SNX25: variants seen among roughly 807,000 people sequenced by gnomAD.
SNX25 encodes sorting nexin-25.
In SNX25, 62 loss-of-function variants were observed where a neutral mutation model predicts 113.7. That is an observed-to-expected ratio of 0.55 (90% confidence interval 0.44 to 0.67). SNX25 has a LOEUF of 0.67. Among genes scored for constraint, SNX25 ranks in the 30% least tolerant of loss-of-function variants. The pLI, the probability that SNX25 is intolerant of heterozygous loss-of-function variation, is 0.00. For missense variants in SNX25, 1,014 were observed against 1,161.0 expected (o/e 0.87, Z 1.84); for synonymous variants, 421 against 436.2 (o/e 0.97, Z 0.43).
chr4:185,308,704 T>C lies in SNX25; in HGVS notation c.1163-1931T>C, dbSNP rs555911561. Among the ~76,000 whole-genome samples the C allele has an allele frequency of 2.2e-4, 34 of 152,320 alleles. 1 individual carries two copies. The highest frequency in any genetic ancestry group is 2.0e-3 in the Admixed American group (30 of 15,292). ...GTATACATAGATAAACACCTACTTT[T>C]ATGAGGATATATTTACGATCTCCCT... On this transcript the variant is annotated intron_variant, in intron 6 of 18. Coordinates refer to ENST00000652585, the MANE Select transcript of SNX25 (RefSeq NM_001378034.2).
At chr4:185,279,015 A>G (rs998946745) in intron 5 of SNX25, among the ~76,000 whole-genome samples, 1 of 152,124 alleles carries the variant, frequency 6.6e-6, no homozygotes, top group Non-Finnish European at 1.5e-5. Context: ...GAACTAGGAA[A>G]TGAATATATG....
chr4:185,332,494 C>T, intron 9 of SNX25, 101 bp from the exon 10 acceptor site: 1 of 1,128,796 alleles, frequency 8.9e-7, no homozygotes. Context: ...GTATTCTTTC[C>T]TTACTGGAAT....
chr4:185,336,259 G>A (rs2095229211), intron 10 of SNX25, among the ~76,000 whole-genome samples: 1 of 152,078 alleles, frequency 6.6e-6, no homozygotes, highest in Non-Finnish European at 1.5e-5. Flanking sequence ...CTGAGATTTT[G>A]GTATACCTAT....
intron 10 of SNX25, among the ~76,000 whole-genome samples, chr4:185,338,791 C>T (rs2095245488): frequency 6.6e-6 from 1 of 152,084 alleles, no homozygotes; most frequent in Admixed American, 6.5e-5. Flanking sequence ...ATCACTTTAC[C>T]ATATATTATT....
intron 3 of SNX25, among the ~76,000 whole-genome samples, chr4:185,264,217 C>T (rs1391560495): frequency 1.3e-5 from 2 of 152,150 alleles, no homozygotes; most frequent in African/African-American, 4.8e-5. Flanking sequence ...TACTGAAGTT[C>T]GTTGTTATGA....
intron 8 of SNX25, 76 bp downstream of exon 8, chr4:185,320,940 TTCTC>T: frequency 7.5e-7 from 1 of 1,339,624 alleles, no homozygotes; most frequent in Non-Finnish European, 1.0e-6. Context: ...ATGTCTGTTT[TTCTC>T]AAGATAAGTA....
intron 17 of SNX25, 154 bp downstream of exon 17, chr4:185,362,259 G>T: frequency 1.0e-6 from 1 of 985,264 alleles, no homozygotes; most frequent in African/African-American, 1.7e-5. Flanking sequence ...CACTTGCTAA[G>T]AAGTTATACT....
upstream of SNX25, among the ~76,000 whole-genome samples, chr4:185,207,408 G>T (rs1737235270): frequency 6.6e-6 from 1 of 151,746 alleles, no homozygotes; most frequent in Non-Finnish European, 1.5e-5. Flanking sequence ...AGTAGAGACG[G>T]GGTTTTGCCA....
downstream of SNX25, among the ~76,000 whole-genome samples, chr4:185,368,604 C>T (rs2095401202): frequency 6.6e-6 from 1 of 152,182 alleles, no homozygotes; most frequent in African/African-American, 2.4e-5. Context: ...TCATTCCAGA[C>T]CCTTCACTGG....
At chr4:185,370,931 A>G, downstream of SNX25, 1 of 1,134,304 alleles carries the variant, frequency 8.8e-7, no homozygotes, top group Non-Finnish European at 1.3e-6. Flanking sequence ...CTGCTTTGAG[A>G]ACTAAGTTGT....
chr4:185,317,999 A>G (rs376587951), intron 7 of SNX25, among the ~76,000 whole-genome samples: 118 of 152,316 alleles, frequency 7.7e-4, no homozygotes, highest in African/African-American at 2.6e-3. Flanking sequence ...TGGAAGCATT[A>G]TGAAAAGTAA....
intron 7 of SNX25, among the ~76,000 whole-genome samples, chr4:185,315,617 T>C (rs999558271): frequency 1.3e-5 from 2 of 152,068 alleles, no homozygotes; most frequent in Non-Finnish European, 2.9e-5. Context: ...CTATAAAACA[T>C]GTAAGGAAGA....
At chr4:185,357,609 A>T (rs1333638784) in intron 15 of SNX25, 62 bp from the exon 16 acceptor site, 5 of 1,310,060 alleles carry the variant, frequency 3.8e-6, no homozygotes, top group Non-Finnish European at 5.5e-6. Flanking sequence ...TTGTACAGCT[A>T]TGAAAATGTC....
At chr4:185,362,509 G>A in intron 17 of SNX25, 102 bp from the exon 18 acceptor site, 1 of 1,239,830 alleles carries the variant, frequency 8.1e-7, no homozygotes, top group South Asian at 1.6e-5. Context: ...GCCTCCATGT[G>A]TTTATTGACT....
Position 185,209,632 on chromosome 4 carries a change from G to C in SNX25, c.-195G>C. ...ACGGTGGGGCTCCCTGGCTGCGCCC[G>C]GCCCGGCAGCTACGGGCCCAGCGCC... On this transcript the variant is annotated 5_prime_UTR_variant, in exon 1 of 19. Transcript: ENST00000652585. This position sits in a 1 kb window ranked among gnomAD's most constrained non-coding sequence, Gnocchi z 5.2. The C allele has an allele frequency of 1.6e-6, 1 of 634,038 alleles. No homozygotes were observed. Among genetic ancestry groups the C allele is most frequent in the South Asian group, 6.9e-5 (1 of 14,468 alleles). The allele number at this position is 634,038 out of a possible 1,614,324, so 39.3% of individuals were successfully genotyped here. A position where few individuals can be genotyped will look rare whatever the true frequency, so the allele number is the denominator to read the frequency against.
chr4:185,298,090 C>T (rs1028607593), intron 6 of SNX25, among the ~76,000 whole-genome samples: 2 of 99,996 alleles, frequency 2.0e-5, no homozygotes, highest in South Asian at 3.9e-4. Flanking sequence ...ATTATAGTAA[C>T]TTCTTTTTTT....
chr4:185,342,576 CAA>C (rs1425052949), intron 12 of SNX25, among the ~76,000 whole-genome samples: 3 of 149,858 alleles, frequency 2.0e-5, no homozygotes, highest in Non-Finnish European at 3.0e-5. Context: ...GTCACATACA[CAA>C]GAGAGGCAGT....
At chr4:185,345,114 G>GATGGAAGCATTAAAAGAAACAAAC in intron 12 of SNX25, among the ~76,000 whole-genome samples, 1 of 152,300 alleles carries the variant, frequency 6.6e-6, no homozygotes, top group East Asian at 1.9e-4. Context: ...AAAACAATTA[G>GATGGAAGCATTAAAAGAAACAAAC]ATGGAAGCAT....
At chr4:185,276,339 T>C (rs1348204605) in intron 5 of SNX25, among the ~76,000 whole-genome samples, 1 of 152,236 alleles carries the variant, frequency 6.6e-6, no homozygotes, top group Non-Finnish European at 1.5e-5. Flanking sequence ...GATTTAATCT[T>C]ACTGTGAACA....
Sources: gnomAD v4.1 joint callset for allele counts (sites outside exome capture counted in the v4.1 genomes callset) on GRCh38, gnomAD v4.1.1 for gene constraint, Gnocchi (gnomAD v3.1) non-coding constraint, MANE v1.5 for transcripts, NCBI Gene and HGNC (gene_info 2026-07-23, HGNC 2026-07-21) for gene names.